Variants in SNTG2 observed in about 807,000 individuals in gnomAD.
SNTG2 encodes the protein gamma-2-syntrophin.
A neutral mutation model predicts 70.9 loss-of-function variants in SNTG2; 74 were observed. That is an observed-to-expected ratio of 1.04 (90% confidence interval 0.86 to 1.27). SNTG2 has a LOEUF of 1.27. Ranked by LOEUF, SNTG2 falls within the 50% of genes most tolerant of loss-of-function variation. The pLI is 0.00. For missense variants in SNTG2, 717 were observed against 690.7 expected (o/e 1.04, Z -0.43); for synonymous variants, 278 against 273.8 (o/e 1.02, Z -0.15).
At chr2:1,337,093 A>C (rs573157680) in intron 16 of SNTG2, among the ~76,000 whole-genome samples, 1 of 152,302 alleles carries the variant, frequency 6.6e-6, no homozygotes, top group African/African-American at 2.4e-5. Context: ...TTATATGCAT[A>C]TACCCAACAC....
intron 16 of SNTG2, among the ~76,000 whole-genome samples, chr2:1,339,254 T>C (rs1659966639): frequency 6.6e-6 from 1 of 152,226 alleles, no homozygotes; most frequent in African/African-American, 2.4e-5. Context: ...TGATAAATTC[T>C]GGACATTAAA....
At chr2:1,275,832 G>C (rs60092530) in intron 14 of SNTG2, among the ~76,000 whole-genome samples, 19,651 of 152,170 alleles carry the variant, frequency 0.13, 1,364 homozygotes, top group African/African-American at 0.19. Context: ...GAATGTAAAG[G>C]AAAAGCTCTT....
intron 15 of SNTG2, among the ~76,000 whole-genome samples, chr2:1,310,622 TC>T (rs1026049203): frequency 2.6e-5 from 4 of 152,036 alleles, no homozygotes; most frequent in African/African-American, 7.2e-5. Flanking sequence ...TACCTTCATT[TC>T]CCCGGTGAGT....
intron 6 of SNTG2, among the ~76,000 whole-genome samples, chr2:1,140,009 AATTTTTCCGATGCATAAAGTTC>A (rs573456625): frequency 1.8e-4 from 28 of 152,318 alleles, no homozygotes; most frequent in East Asian, 1.7e-3. Flanking sequence ...ATAAAATCTC[AATTTTTCCGATGCATAAAGTTC>A]ATTAAAATGC....
chr2:964,853 C>T (rs1660472734), intron 1 of SNTG2, among the ~76,000 whole-genome samples: 1 of 152,130 alleles, frequency 6.6e-6, no homozygotes, highest in Non-Finnish European at 1.5e-5. Flanking sequence ...GAGAAGAGCT[C>T]CTCTTGGGTG....
At chr2:1,037,128 A>T (rs2148048473) in intron 1 of SNTG2, among the ~76,000 whole-genome samples, 1 of 152,338 alleles carries the variant, frequency 6.6e-6, no homozygotes. Context: ...TTCTGTGGCC[A>T]AGTGGGAACA....
intron 1 of SNTG2, among the ~76,000 whole-genome samples, chr2:1,023,459 T>A (rs1331035231): frequency 2.0e-5 from 3 of 152,230 alleles, no homozygotes; most frequent in African/African-American, 4.8e-5. Flanking sequence ...TAGTTGATGT[T>A]GTCTTTATTT....
In SNTG2 at chr2:983,553, T is replaced by C. The variant is rs1661204188; in HGVS notation, c.72+32485T>C. On this transcript the variant is annotated intron_variant, in intron 1 of 16. Transcript: ENST00000308624. The stretch of plus-strand genomic sequence containing the variant: ...TCCCAGATCTAACCCTCCGAAATAG[T>C]CACTCTCCGCCCTGGGGCCAGAATC... Among the ~76,000 whole-genome samples, 4 of 152,198 alleles carry C rather than the reference T, an allele frequency of 2.6e-5. No individual in the cohort carries two copies. In the South Asian group the frequency reaches 8.3e-4, roughly 32 times the overall value.
intron 9 of SNTG2, among the ~76,000 whole-genome samples, chr2:1,219,385 C>T (rs1674604024): frequency 6.6e-6 from 1 of 152,144 alleles, no homozygotes; most frequent in Non-Finnish European, 1.5e-5. Flanking sequence ...TGGACCAATA[C>T]AAATTGTTTA....
chr2:1,183,687 A>G (rs1672076156), intron 8 of SNTG2, among the ~76,000 whole-genome samples: 1 of 152,198 alleles, frequency 6.6e-6, no homozygotes. Context: ...ACACATATAA[A>G]ACAACTTAAA....
chr2:998,800 A>G (rs1661776622), intron 1 of SNTG2, among the ~76,000 whole-genome samples: 1 of 152,140 alleles, frequency 6.6e-6, no homozygotes, highest in Non-Finnish European at 1.5e-5. Flanking sequence ...CTAGAAAGAT[A>G]CATTGCAAAA....
intron 4 of SNTG2, among the ~76,000 whole-genome samples, chr2:1,101,507 G>C (rs1176856735): frequency 6.6e-6 from 1 of 152,194 alleles, no homozygotes; most frequent in African/African-American, 2.4e-5. Context: ...TCCATTCCAT[G>C]TAAAACACAG....
intron 1 of SNTG2, among the ~76,000 whole-genome samples, chr2:1,080,904 G>T (rs1373474159): frequency 6.6e-6 from 1 of 152,130 alleles, no homozygotes; most frequent in African/African-American, 2.4e-5. Flanking sequence ...ACATACTTCT[G>T]AGCTCCATTC....
intron 1 of SNTG2, among the ~76,000 whole-genome samples, chr2:1,081,114 G>A (rs111251432): frequency 8.4e-4 from 128 of 152,270 alleles, no homozygotes; most frequent in South Asian, 2.5e-3. Context: ...AGGCCACGGC[G>A]TCCTGAGGAA....
chr2:1,131,728 T>A (rs1175996849), intron 4 of SNTG2, among the ~76,000 whole-genome samples: 1 of 151,882 alleles, frequency 6.6e-6, no homozygotes, highest in Non-Finnish European at 1.5e-5. Flanking sequence ...CTCAGCTCAC[T>A]GCAACCTCCA....
intron 1 of SNTG2, among the ~76,000 whole-genome samples, chr2:1,028,392 G>C (rs1488917834): frequency 2.6e-5 from 4 of 152,216 alleles, no homozygotes; most frequent in Non-Finnish European, 5.9e-5. Context: ...GAAATACCTG[G>C]GTATTCACTG....
At position 1,022,040 on chromosome 2, in the gene SNTG2, A is replaced by G. The variant is rs141124682; in HGVS notation, c.73-61478A>G. Among the ~76,000 whole-genome samples the G allele has an allele frequency of 1.2e-3, 182 of 149,216 alleles. No homozygotes were observed. The Middle Eastern group carries it at 0.034, about 28-fold the overall frequency. On this transcript the variant is annotated intron_variant, in intron 1 of 16. Coordinates refer to ENST00000308624, the MANE Select transcript of SNTG2 (RefSeq NM_018968.4). Reference sequence around the variant, plus strand: ...TGATACATTTTCAAAATTTTAGTACACTAGTTACACGTGAACTAGTACAGC... The same window carrying G: ...TGATACATTTTCAAAATTTTAGTACGCTAGTTACACGTGAACTAGTACAGC...
intron 1 of SNTG2, among the ~76,000 whole-genome samples, chr2:1,021,169 C>A (rs570897990): frequency 1.3e-5 from 2 of 152,258 alleles, no homozygotes; most frequent in Middle Eastern, 3.4e-3. Context: ...CACTTGCTTT[C>A]TCTGTAATTT....
At chr2:1,181,315 A>G (rs1220069949) in intron 8 of SNTG2, among the ~76,000 whole-genome samples, 2 of 152,202 alleles carry the variant, frequency 1.3e-5, no homozygotes, top group East Asian at 1.9e-4. Context: ...GATAGTGTCT[A>G]TGGACTGGAG....
Sources: allele counts gnomAD v4.1 joint callset (sites outside exome capture counted in the v4.1 genomes callset), GRCh38; gene constraint gnomAD v4.1.1; transcripts MANE v1.5; gene names NCBI Gene and HGNC (gene_info 2026-07-23, HGNC 2026-07-21).